VPS29: variants seen among roughly 807,000 people sequenced by gnomAD.
VPS29 encodes VPS29 retromer complex component, also known as vacuolar protein sorting-associated protein 29.
A neutral mutation model predicts 20.0 loss-of-function variants in VPS29; 2 were observed. The ratio of observed to expected loss-of-function variants is 0.10; its 90% CI spans 0.04 to 0.31. VPS29 has a LOEUF of 0.31. Ranked by LOEUF, VPS29 falls within the 10% of genes least tolerant of loss-of-function variation. The pLI is 1.00. For missense variants in VPS29, 120 were observed against 215.3 expected (o/e 0.56, Z 2.77); for synonymous variants, 81 against 79.3 (o/e 1.02, Z -0.12).
At chr12:110,492,651 T>G (rs2062837206) in intron 3 of VPS29, among the ~76,000 whole-genome samples, 1 of 130,902 alleles carries the variant, frequency 7.6e-6, no homozygotes, top group South Asian at 2.2e-4. Context: ...TTATTGAGTC[T>G]CCTTCTGTCA....
intron 1 of VPS29, 153 bp downstream of exon 1, chr12:110,501,896 C>T (rs776539617): frequency 4.0e-5 from 61 of 1,537,674 alleles, no homozygotes; most frequent in Middle Eastern, 1.7e-4. Context: ...CTTCCCTAGA[C>T]CTCTTCTGGG....
Position 110,496,273 on chromosome 12 carries a change from T to C in VPS29, c.4-70A>G. On this transcript the variant is annotated intron_variant, in intron 1 of 3. Transcript: ENST00000549578. Reference sequence around the variant, plus strand: ...ATCAAAACAAAATAGTCTCCTCTTGTAAGCCCCCTTTTAAGTCTCATAAGA... The same window carrying C: ...ATCAAAACAAAATAGTCTCCTCTTGCAAGCCCCCTTTTAAGTCTCATAAGA... 4 of 1,379,492 alleles carry C rather than the reference T, an allele frequency of 2.9e-6. No homozygotes were observed. The African/African-American group carries it at 5.7e-5, about 20-fold the overall frequency. The allele number at this position is 1,379,492 out of a possible 1,614,324, so 85.5% of individuals were successfully genotyped here.
At chr12:110,500,038 T>C (rs570679695) in intron 1 of VPS29, among the ~76,000 whole-genome samples, 2 of 152,346 alleles carry the variant, frequency 1.3e-5, no homozygotes, top group East Asian at 1.9e-4. Flanking sequence ...TTCAAAATTC[T>C]AGTAGCTGGA....
chr12:110,500,849 A>C (rs1271474453), intron 1 of VPS29, among the ~76,000 whole-genome samples: 1 of 151,646 alleles, frequency 6.6e-6, no homozygotes, highest in Non-Finnish European at 1.5e-5. Flanking sequence ...GGTTGCCCCA[A>C]ACAATTGACT....
intron 1 of VPS29, chr12:110,498,892 G>T (rs1480275386): frequency 2.0e-5 from 19 of 956,776 alleles, no homozygotes; most frequent in Non-Finnish European, 2.4e-5. Context: ...GTTAGTATGG[G>T]AATCTTGCTT....
intron 2 of VPS29, among the ~76,000 whole-genome samples, chr12:110,493,885 T>C: frequency 6.6e-6 from 1 of 152,198 alleles, no homozygotes; most frequent in East Asian, 1.9e-4. Context: ...AAATTATAGC[T>C]TAATGTAGCC....
intron 1 of VPS29, chr12:110,499,562 A>G (rs770693500): frequency 3.7e-6 from 6 of 1,602,790 alleles, no homozygotes; most frequent in Non-Finnish European, 5.1e-6. Context: ...TGGAATGAAG[A>G]AGTTGATTGC....
chr12:110,499,270 A>C (rs1380520178), intron 1 of VPS29: 1 of 382,816 alleles, frequency 2.6e-6, no homozygotes, highest in African/African-American at 2.0e-5. Flanking sequence ...AAATAGTGTT[A>C]CATAACACGT....
intron 1 of VPS29, chr12:110,501,534 C>T: frequency 6.5e-7 from 1 of 1,535,362 alleles, no homozygotes; most frequent in East Asian, 2.4e-5. Flanking sequence ...ATTTCAGGAG[C>T]GAGGAGGGTG....
rs928369104 is a variant in VPS29 at position 110,501,626 on chromosome 12, A to G, written c.3+423T>C. On this transcript the variant is annotated intron_variant, in intron 1 of 3. Transcript: ENST00000549578. Reference sequence around the variant, plus strand: ...CTTCCTGTTCTGCATTCGAGAGGCCAGCTTCCACCACTACACCCCAACCAG... The same window carrying G: ...CTTCCTGTTCTGCATTCGAGAGGCCGGCTTCCACCACTACACCCCAACCAG... 8.5e-6 allele frequency: 13 copies of G among 1,534,182 alleles called. No homozygotes were observed. The African/African-American group carries it at 1.8e-4, about 21-fold the overall frequency.
chr12:110,498,667 G>GT (rs1358879303), intron 1 of VPS29: 1 of 194,122 alleles, frequency 5.2e-6, no homozygotes, highest in Non-Finnish European at 9.4e-6. Flanking sequence ...AAATTGTTAA[G>GT]TAAGATTCTT....
intron 1 of VPS29, among the ~76,000 whole-genome samples, chr12:110,499,931 CTG>C (rs1341991655): frequency 5.3e-5 from 8 of 152,134 alleles, no homozygotes; most frequent in African/African-American, 1.7e-4. Flanking sequence ...CTACAAGACA[CTG>C]TGGAAAATTT....
chr12:110,501,744 G>A, intron 1 of VPS29: 2 of 1,118,072 alleles, frequency 1.8e-6, no homozygotes, highest in South Asian at 1.3e-5. Context: ...TAGGACCAAA[G>A]GCCTTCCCTG....
rs1393418652 is a variant in VPS29, at chr12:110,500,563, G to T, written c.3+1486C>A. Among the ~76,000 whole-genome samples, 3 of 152,158 alleles carry T rather than the reference G, an allele frequency of 2.0e-5. No homozygotes were observed. The East Asian group carries it at 5.8e-4, about 29-fold the overall frequency. ...CCATAAATCTCTGGCTGCCATGTCTGTAAGTCCCCCTCTTGAAAAGGCTGT... is the reference window on the plus strand; with the variant it reads ...CCATAAATCTCTGGCTGCCATGTCTTTAAGTCCCCCTCTTGAAAAGGCTGT... On this transcript the variant is annotated intron_variant, in intron 1 of 3. Transcript: ENST00000549578.
intron 2 of VPS29, among the ~76,000 whole-genome samples, chr12:110,495,640 G>A: frequency 6.6e-6 from 1 of 152,112 alleles, no homozygotes; most frequent in Non-Finnish European, 1.5e-5. Context: ...CTGAGAGGCA[G>A]AGGTTTCAGG....
rs575125734 is a variant in VPS29, at chr12:110,500,581, A to C, written c.3+1468T>G. Among the ~76,000 whole-genome samples, 13 of 152,318 alleles carry C rather than the reference A, an allele frequency of 8.5e-5. No homozygotes were observed. In the East Asian group the frequency reaches 2.5e-3, roughly 29 times the overall value. ...CATGTCTGTAAGTCCCCCTCTTGAAAAGGCTGTTTGTCATGCAATAGTAAT... is the reference window on the plus strand; with the variant it reads ...CATGTCTGTAAGTCCCCCTCTTGAACAGGCTGTTTGTCATGCAATAGTAAT... On this transcript the variant is annotated intron_variant, in intron 1 of 3. Transcript: ENST00000549578.
intron 1 of VPS29, among the ~76,000 whole-genome samples, chr12:110,500,825 A>C (rs1359763930): frequency 6.6e-6 from 1 of 151,938 alleles, no homozygotes. Flanking sequence ...ACAGGGTGGA[A>C]GGGGACCCGA....
intron 1 of VPS29, chr12:110,499,593 A>G: frequency 6.7e-7 from 1 of 1,485,252 alleles, no homozygotes; most frequent in Non-Finnish European, 9.4e-7. Flanking sequence ...GATGAAAAAA[A>G]AAGGGTGAAA....
intron 1 of VPS29, chr12:110,499,524 A>C (rs752233078): frequency 6.2e-7 from 1 of 1,613,246 alleles, no homozygotes; most frequent in Non-Finnish European, 8.5e-7. Flanking sequence ...GAGCTAAGTG[A>C]AGAAACTTAC....
Sources: allele counts gnomAD v4.1 joint callset (sites outside exome capture counted in the v4.1 genomes callset), GRCh38; gene constraint gnomAD v4.1.1; transcripts MANE v1.5; gene names NCBI Gene and HGNC (gene_info 2026-07-23, HGNC 2026-07-21).